Variants in ASB5 observed in about 807,000 individuals in gnomAD.
ASB5 encodes the protein ankyrin repeat and SOCS box protein 5.
In ASB5, 45 loss-of-function variants were observed where a neutral mutation model predicts 42.1. That is an observed-to-expected ratio of 1.07 (90% CI 0.84 to 1.37). The LOEUF is 1.37. Ranked by LOEUF, ASB5 falls within the 40% of genes most tolerant of loss-of-function variation. The probability of loss-of-function intolerance (pLI) is 0.00; values close to 1 mark genes in which losing one functional copy is unlikely to be tolerated. For synonymous variants in ASB5, 147 were observed against 150.6 expected, an observed-to-expected ratio of 0.98 and a Z score of 0.18; for missense variants, 402 against 399.8, an observed-to-expected ratio of 1.01 and a Z score of -0.05.
At chr4:176,224,274 G>A (rs1025818434) in intron 2 of ASB5, among the ~76,000 whole-genome samples, 4 of 115,286 alleles carry the variant, frequency 3.5e-5, no homozygotes, top group Admixed American at 2.6e-4. Context: ...TTGCTCTGTC[G>A]CCTAGGCTGG....
At chr4:176,257,511 C>G (rs1003590782) in intron 1 of ASB5, among the ~76,000 whole-genome samples, 1 of 152,148 alleles carries the variant, frequency 6.6e-6, no homozygotes, top group African/African-American at 2.4e-5. Flanking sequence ...CATTACTTTG[C>G]TCCAATCCTA....
chr4:176,238,335 G>A (rs1004244164), intron 1 of ASB5, among the ~76,000 whole-genome samples: 1 of 152,150 alleles, frequency 6.6e-6, no homozygotes, highest in Admixed American at 6.5e-5. Context: ...TATAGGCACA[G>A]CTCACTATTG....
At chr4:176,222,539 T>C (rs1000917976) in intron 2 of ASB5, 119 bp from the exon 3 acceptor site, 11 of 934,690 alleles carry the variant, frequency 1.2e-5, no homozygotes, top group Non-Finnish European at 1.8e-5. Context: ...GCAAACGAGT[T>C]TCCAGTTTAG....
chr4:176,249,009 C>T (rs559393451), intron 1 of ASB5, among the ~76,000 whole-genome samples: 1 of 152,308 alleles, frequency 6.6e-6, no homozygotes, highest in Admixed American at 6.5e-5. Context: ...TTCTGTCGCC[C>T]AGGCTAGAGT....
chr4:176,258,261 C>T (rs958235991), intron 1 of ASB5, among the ~76,000 whole-genome samples: 1 of 152,164 alleles, frequency 6.6e-6, no homozygotes, highest in Admixed American at 6.5e-5. Flanking sequence ...CTCCATTAAA[C>T]TGAGATCTAC....
intron 1 of ASB5, among the ~76,000 whole-genome samples, chr4:176,226,122 T>G (rs1168912346): frequency 6.6e-6 from 1 of 152,134 alleles, no homozygotes; most frequent in East Asian, 1.9e-4. Flanking sequence ...TGCTTATGAG[T>G]GTGTCTGTGA....
At chr4:176,217,221 C>T (rs184598439) in intron 5 of ASB5, among the ~76,000 whole-genome samples, 1 of 152,152 alleles carries the variant, frequency 6.6e-6, no homozygotes, top group Non-Finnish European at 1.5e-5. Flanking sequence ...AAACTGGGCA[C>T]ATCTGAATGG....
chr4:176,226,735 G>A lies in ASB5; in HGVS notation c.197-1394C>T, dbSNP rs143306611. ...CTCTCAATTTTGTTTTGTCCCTTTA[G>A]CAGGAATAGCAGCTTGAATGCCCAC... On this transcript the variant is annotated intron_variant, in intron 1 of 6. Transcript: ENST00000296525. 1.2e-3 allele frequency among the ~76,000 whole-genome samples: 177 copies of A among 152,238 alleles called. 5 individuals carry two copies. Among genetic ancestry groups the A allele is most frequent in the East Asian group, 3.9e-4 (2 of 5,178 alleles).
At chr4:176,270,878 TC>T (rs2126981612), upstream of ASB5, among the ~76,000 whole-genome samples, 1 of 152,204 alleles carries the variant, frequency 6.6e-6, no homozygotes, top group East Asian at 1.9e-4. Flanking sequence ...ACTGCAGACT[TC>T]CTCTTCAGTG....
chr4:176,264,470 A>G (rs1033811022), intron 1 of ASB5, among the ~76,000 whole-genome samples: 2 of 152,342 alleles, frequency 1.3e-5, no homozygotes, highest in Admixed American at 1.3e-4. Context: ...TGGTCAGATC[A>G]AGATGGGAGC....
At chr4:176,222,173 T>C (rs944720236) in intron 3 of ASB5, 140 bp downstream of exon 3, 2 of 736,386 alleles carry the variant, frequency 2.7e-6, no homozygotes, top group South Asian at 3.6e-5. Context: ...ATAAGAAGAC[T>C]AAGGAATTCA....
At chr4:176,256,187 T>G (rs1754152464) in intron 1 of ASB5, among the ~76,000 whole-genome samples, 1 of 152,234 alleles carries the variant, frequency 6.6e-6, no homozygotes, top group South Asian at 2.1e-4. Flanking sequence ...ATTTCTGACT[T>G]GAGGCTGAGA....
chr4:176,220,150 C>T (rs959535348), intron 5 of ASB5, among the ~76,000 whole-genome samples: 1 of 152,154 alleles, frequency 6.6e-6, no homozygotes, highest in Non-Finnish European at 1.5e-5. Flanking sequence ...GACAAGCTTG[C>T]TAGAAAGCAT....
chr4:176,231,843 T>TCAAAACAAAA (rs59394156), intron 1 of ASB5, among the ~76,000 whole-genome samples: 146,293 of 148,484 alleles, frequency 0.99, 72,075 homozygotes, highest in Middle Eastern at 1. Flanking sequence ...AGACTCTGTC[T>TCAAAACAAAA]CAAAACAAAA....
intron 1 of ASB5, among the ~76,000 whole-genome samples, chr4:176,255,052 C>T (rs1754127479): frequency 1.3e-5 from 2 of 152,166 alleles, no homozygotes; most frequent in Non-Finnish European, 2.9e-5. Context: ...ATCACTTGAA[C>T]CCGGAAGGTG....
At chr4:176,258,284 A>G (rs1018475386) in intron 1 of ASB5, among the ~76,000 whole-genome samples, 1 of 152,212 alleles carries the variant, frequency 6.6e-6, no homozygotes, top group African/African-American at 2.4e-5. Context: ...ACGTTAAGCA[A>G]CTTTCCTGAG....
chr4:176,231,753 G>T (rs1455159945), intron 1 of ASB5, among the ~76,000 whole-genome samples: 1 of 151,944 alleles, frequency 6.6e-6, no homozygotes, highest in Non-Finnish European at 1.5e-5. Flanking sequence ...GTCCTGAGAT[G>T]AGAAGATCGC....
intron 1 of ASB5, among the ~76,000 whole-genome samples, chr4:176,263,291 T>G (rs1754297921): frequency 6.6e-6 from 1 of 152,158 alleles, no homozygotes; most frequent in South Asian, 2.1e-4. Context: ...TTCCCCAGCC[T>G]CAGCTTTTCC....
rs756252019 is a variant in ASB5 at position 176,221,146 on chromosome 4, G to T, written c.670+9C>A. The T allele has an allele frequency of 1.9e-6, 3 of 1,607,626 alleles. No homozygotes were observed. Among genetic ancestry groups the T allele is most frequent in the Non-Finnish European group, 2.5e-6 (3 of 1,177,632 alleles). ...TGGACAGAATGGAAGATGTTTTAAAGGAAAATACCAGCATAAAGAAGCTTC... is the reference window on the plus strand; with the variant it reads ...TGGACAGAATGGAAGATGTTTTAAATGAAAATACCAGCATAAAGAAGCTTC... On this transcript the variant is annotated intron_variant, in intron 5 of 6. Transcript: ENST00000296525.
Sources: allele counts gnomAD v4.1 joint callset (sites outside exome capture counted in the v4.1 genomes callset), GRCh38; gene constraint gnomAD v4.1.1; transcripts MANE v1.5; gene names NCBI Gene and HGNC (gene_info 2026-07-23, HGNC 2026-07-21).